MAGI3: variants seen among roughly 807,000 people sequenced by gnomAD.
The protein encoded by MAGI3 is membrane associated guanylate kinase, WW and PDZ domain containing 3.
Under a neutral mutation model 121.8 loss-of-function variants are expected in MAGI3, and 43 were observed. The ratio of observed to expected loss-of-function variants is 0.35; its 90% CI spans 0.28 to 0.46. MAGI3 has a LOEUF of 0.46. MAGI3 is among the 20% of genes least tolerant of loss of function. The probability of loss-of-function intolerance (pLI) is 1.00; values close to 1 mark genes in which losing one functional copy is unlikely to be tolerated. For synonymous variants in MAGI3, 553 were observed against 639.3 expected, an observed-to-expected ratio of 0.86 and a Z score of 2.04; for missense variants, 1,547 against 1,797.3, an observed-to-expected ratio of 0.86 and a Z score of 2.52.
chr1:113,555,319 TATC>T (rs1482486073), intron 2 of MAGI3, among the ~76,000 whole-genome samples: 1 of 152,206 alleles, frequency 6.6e-6, no homozygotes, highest in African/African-American at 2.4e-5. Flanking sequence ...AGAGAAATGA[TATC>T]AGAGCAATAG....
intron 2 of MAGI3, among the ~76,000 whole-genome samples, chr1:113,554,319 C>T (rs1659901468): frequency 1.3e-5 from 2 of 151,720 alleles, no homozygotes; most frequent in African/African-American, 4.8e-5. Context: ...GAAGTGGAAC[C>T]TTAAAAATTC....
chr1:113,659,270 G>T lies in MAGI3; in HGVS notation c.2815+5G>T, dbSNP rs989742682. 1.9e-6 allele frequency: 3 copies of T among 1,612,412 alleles called. No individual in the cohort carries two copies. The highest frequency in any genetic ancestry group is 2.5e-6 in the Non-Finnish European group (3 of 1,179,650). ...TAACGGTCATTGCTGAAGAAGGTAAGGAGCCAGTAGACGCGCCTGCCCCAA... is the reference window on the plus strand; with the variant it reads ...TAACGGTCATTGCTGAAGAAGGTAATGAGCCAGTAGACGCGCCTGCCCCAA... On this transcript the variant is annotated splice_donor_5th_base_variant and intron_variant, in intron 16 of 20. Transcript: ENST00000307546.
intron 1 of MAGI3, among the ~76,000 whole-genome samples, chr1:113,437,892 C>CTT (rs1557757287): frequency 6.6e-3 from 37 of 5,638 alleles, no homozygotes; most frequent in Non-Finnish European, 9.6e-3. Flanking sequence ...TTCTCCTTCT[C>CTT]CTTCTCCTTC....
intron 1 of MAGI3, among the ~76,000 whole-genome samples, chr1:113,476,780 T>C (rs1655842526): frequency 6.6e-6 from 1 of 152,220 alleles, no homozygotes; most frequent in Non-Finnish European, 1.5e-5. Context: ...ATATCCTTGT[T>C]AACCTTCTGT....
chr1:113,573,744 C>G (rs1557830836), intron 2 of MAGI3, among the ~76,000 whole-genome samples: 1 of 152,100 alleles, frequency 6.6e-6, no homozygotes, highest in Non-Finnish European at 1.5e-5. Context: ...TCCTAAATAT[C>G]CTTGTTAATT....
At chr1:113,487,043 T>C (rs1656416281) in intron 1 of MAGI3, among the ~76,000 whole-genome samples, 1 of 152,102 alleles carries the variant, frequency 6.6e-6, no homozygotes, top group South Asian at 2.1e-4. Flanking sequence ...TAGGGGAAGG[T>C]TTCTTGTCAA....
intron 1 of MAGI3, among the ~76,000 whole-genome samples, chr1:113,425,016 G>T (rs949105646): frequency 6.6e-6 from 1 of 151,522 alleles, no homozygotes; most frequent in African/African-American, 2.4e-5. Context: ...AAAATTAGCC[G>T]GGTGTGGTGG....
At chr1:113,651,825 C>A (rs186711032) in intron 14 of MAGI3, among the ~76,000 whole-genome samples, 1 of 152,110 alleles carries the variant, frequency 6.6e-6, no homozygotes, top group Admixed American at 6.6e-5. Context: ...ATAACAAATA[C>A]AAAATTATTT....
At chr1:113,572,013 T>C (rs1647325494) in intron 2 of MAGI3, among the ~76,000 whole-genome samples, 1 of 152,236 alleles carries the variant, frequency 6.6e-6, no homozygotes, top group African/African-American at 2.4e-5. Context: ...CCATTCAGTA[T>C]GATATTGGCT....
chr1:113,637,584 T>G (rs1194766432), intron 9 of MAGI3, among the ~76,000 whole-genome samples: 1 of 152,250 alleles, frequency 6.6e-6, no homozygotes, highest in Non-Finnish European at 1.5e-5. Context: ...TTGTAGAGTT[T>G]CTGCCAAGAG....
At chr1:113,430,400 A>G (rs1321783393) in intron 1 of MAGI3, among the ~76,000 whole-genome samples, 1 of 152,180 alleles carries the variant, frequency 6.6e-6, no homozygotes, top group Non-Finnish European at 1.5e-5. Context: ...GAGGCCCTCT[A>G]TTACTGTAAA....
chr1:113,557,474 G>A (rs1660044048), intron 2 of MAGI3, among the ~76,000 whole-genome samples: 1 of 152,094 alleles, frequency 6.6e-6, no homozygotes, highest in Non-Finnish European at 1.5e-5. Context: ...GCGGGACTCT[G>A]ATCCGCTCCT....
At chr1:113,593,544 AAAT>A (rs930068442) in intron 5 of MAGI3, among the ~76,000 whole-genome samples, 12 of 151,900 alleles carry the variant, frequency 7.9e-5, no homozygotes, top group African/African-American at 1.9e-4. Context: ...CTCTGTCTCA[AAAT>A]AATAATAATA....
At chr1:113,678,845 A>C (rs1648036792) in intron 19 of MAGI3, among the ~76,000 whole-genome samples, 1 of 152,238 alleles carries the variant, frequency 6.6e-6, no homozygotes, top group South Asian at 2.1e-4. Context: ...ATCTGTAGAA[A>C]GAGTTGGCCC....
chr1:113,465,655 T>C (rs1461259320), intron 1 of MAGI3, among the ~76,000 whole-genome samples: 1 of 152,152 alleles, frequency 6.6e-6, no homozygotes, highest in East Asian at 1.9e-4. Flanking sequence ...CTTTCAATTT[T>C]TTTGGCATCC....
chr1:113,465,004 A>G (rs1424305009), intron 1 of MAGI3, among the ~76,000 whole-genome samples: 3 of 152,026 alleles, frequency 2.0e-5, no homozygotes, highest in South Asian at 2.1e-4. Context: ...GCTTGATATA[A>G]TCCCATTTGT....
chr1:113,626,742 T>G (rs983454911), intron 9 of MAGI3, among the ~76,000 whole-genome samples: 2 of 152,198 alleles, frequency 1.3e-5, no homozygotes, highest in Admixed American at 6.5e-5. Flanking sequence ...TGGCATATAG[T>G]TGCTCATAAT....
rs776377596 is a variant in MAGI3 at position 113,651,168 on chromosome 1, A to G, written c.2402A>G (p.His801Arg). 2.5e-6 allele frequency: 4 copies of G among 1,613,778 alleles called. No homozygotes were observed. The South Asian group carries it at 4.4e-5, about 18-fold the overall frequency. ...DLMTTAARNG[H>R]VLLTVRRKIF... Reference sequence around the variant, plus strand: ...ATGACAACTGCTGCTCGAAATGGCCATGTGTTACTAACTGTCAGACGGAAG... The same window carrying G: ...ATGACAACTGCTGCTCGAAATGGCCGTGTGTTACTAACTGTCAGACGGAAG... The change falls in exon 14 of 21, where the codon CAT (histidine) becomes CGT (arginine). Residue 801 changes from histidine to arginine, a missense_variant. Physicochemically the swap from His to Arg is conservative, Grantham distance 29. Coordinates refer to ENST00000307546, the MANE Select transcript of MAGI3 (RefSeq NM_001142782.2).
intron 14 of MAGI3, 132 bp from the exon 15 acceptor site, chr1:113,653,698 T>C (rs939865240): frequency 5.3e-5 from 37 of 694,228 alleles, no homozygotes; most frequent in East Asian, 2.1e-4. Flanking sequence ...GAAGCTCACA[T>C]GTGGGGCTGC....
Sources: allele counts gnomAD v4.1 joint callset (sites outside exome capture counted in the v4.1 genomes callset), GRCh38; gene constraint gnomAD v4.1.1; transcripts MANE v1.5; gene names NCBI Gene and HGNC (gene_info 2026-07-23, HGNC 2026-07-21).